Variants in RAPGEF1 observed in about 807,000 individuals in gnomAD.
RAPGEF1 encodes the protein CRK SH3-binding GNRP.
In RAPGEF1, 33 loss-of-function variants were observed where a neutral mutation model predicts 143.3. The observed-to-expected ratio is 0.23, with a 90% CI of 0.17 to 0.31. The LOEUF (loss-of-function observed/expected upper bound fraction) is 0.31, where lower values mean the gene tolerates loss of function less well. RAPGEF1 is among the 10% of genes least tolerant of loss of function. The pLI is 1.00. For missense variants in RAPGEF1, 1,199 were observed against 1,645.4 expected (o/e 0.73, Z 4.69); for synonymous variants, 629 against 676.5 (o/e 0.93, Z 1.09).
At chr9:131,705,598 C>T (rs891119812) in intron 1 of RAPGEF1, among the ~76,000 whole-genome samples, 1 of 152,100 alleles carries the variant, frequency 6.6e-6, no homozygotes, top group Non-Finnish European at 1.5e-5. Context: ...TGCTGGAACT[C>T]ACTGCGGTAA....
At chr9:131,592,340 T>A (rs1954446972) in intron 17 of RAPGEF1, among the ~76,000 whole-genome samples, 157 bp from the exon 18 acceptor site, 2 of 152,120 alleles carry the variant, frequency 1.3e-5, no homozygotes, top group South Asian at 4.1e-4. Flanking sequence ...CCCCCTCTGG[T>A]GTCTCCGCCT....
chr9:131,701,284 G>A (rs1054132061), intron 1 of RAPGEF1, among the ~76,000 whole-genome samples: 4 of 152,148 alleles, frequency 2.6e-5, no homozygotes, highest in Admixed American at 2.0e-4. Context: ...TCTAAATTTG[G>A]AGGTATCTGA....
At position 131,579,694 on chromosome 9, in the gene RAPGEF1, G is replaced by C. The variant is rs1359934967; in HGVS notation, c.3642-47C>G. 3 of 1,586,830 alleles carry C rather than the reference G, an allele frequency of 1.9e-6. No homozygotes were observed. In the Admixed American group the frequency reaches 5.4e-5, roughly 28 times the overall value. On this transcript the variant is annotated intron_variant, in intron 26 of 26. Transcript: ENST00000683357. The stretch of plus-strand genomic sequence containing the variant: ...AGTCAGTGAGCACCTGTGTGGGCTG[G>C]ATGGCCCGATGGCGCCACCCTCCTG...
intron 1 of RAPGEF1, among the ~76,000 whole-genome samples, chr9:131,706,692 T>C (rs1835088608): frequency 6.6e-6 from 1 of 152,214 alleles, no homozygotes; most frequent in Admixed American, 6.5e-5. Context: ...CCCTGTTATT[T>C]CGGCTCTTCA....
Position 131,621,752 on chromosome 9 carries a change from T to C in RAPGEF1, c.1905+44A>G, listed in dbSNP as rs1343770109. The C allele has an allele frequency of 1.3e-6, 2 of 1,536,142 alleles. No individual in the cohort carries two copies. The highest frequency in any genetic ancestry group is 2.4e-5 in the South Asian group (2 of 84,780). ...AGGGTCATTCTGGTTCCTAGAGACC[T>C]GCTAGGATCGGAAGTTCTAGTCACA... On this transcript the variant is annotated intron_variant, in intron 11 of 26. Transcript: ENST00000683357. The surrounding 1 kb of genome is among the most constrained non-coding windows in gnomAD (Gnocchi z 4.5).
At chr9:131,733,369 G>A (rs1156920245) in intron 1 of RAPGEF1, among the ~76,000 whole-genome samples, 5 of 134,912 alleles carry the variant, frequency 3.7e-5, no homozygotes, top group Admixed American at 2.2e-4. Flanking sequence ...CGGGGGCGGG[G>A]GGGGGGGTGG....
intron 15 of RAPGEF1, among the ~76,000 whole-genome samples, chr9:131,600,362 C>T (rs1273563328): frequency 6.6e-6 from 1 of 152,180 alleles, no homozygotes; most frequent in Non-Finnish European, 1.5e-5. Context: ...GGCATACCCA[C>T]GAGCTGCATT....
chr9:131,698,788 G>C (rs574953503), intron 1 of RAPGEF1, among the ~76,000 whole-genome samples: 37 of 152,344 alleles, frequency 2.4e-4, no homozygotes, highest in Admixed American at 5.9e-4. Context: ...GGAGGCCCAG[G>C]GATAAGCCCT....
At chr9:131,648,833 C>T (rs976884712) in intron 3 of RAPGEF1, among the ~76,000 whole-genome samples, 45 of 152,228 alleles carry the variant, frequency 3.0e-4, no homozygotes, top group African/African-American at 1.1e-3. Context: ...TTCTGCTGGT[C>T]AACATAAAAC....
chr9:131,711,586 C>T (rs1196541627), intron 1 of RAPGEF1, among the ~76,000 whole-genome samples: 2 of 152,006 alleles, frequency 1.3e-5, no homozygotes, highest in African/African-American at 4.8e-5. Context: ...TCAAACTCCT[C>T]ACCTCAAGTG....
At chr9:131,605,968 G>A (rs1019478340) in intron 12 of RAPGEF1, among the ~76,000 whole-genome samples, 10 of 152,126 alleles carry the variant, frequency 6.6e-5, no homozygotes, top group Admixed American at 1.3e-4. Context: ...TAGCTGCTCT[G>A]GAGGCTGAGA....
chr9:131,705,995 T>C (rs1835023816), intron 1 of RAPGEF1, among the ~76,000 whole-genome samples: 1 of 152,158 alleles, frequency 6.6e-6, no homozygotes. Flanking sequence ...CTAATCATGA[T>C]CATCTTTGGC....
intron 15 of RAPGEF1, 64 bp downstream of exon 15, chr9:131,601,997 G>A: frequency 2.5e-6 from 3 of 1,196,374 alleles, no homozygotes; most frequent in Non-Finnish European, 3.4e-6. Context: ...AGGCTGCTCA[G>A]GCAGGCCTCA....
intron 1 of RAPGEF1, among the ~76,000 whole-genome samples, chr9:131,702,070 T>C (rs1005246669): frequency 6.6e-6 from 1 of 152,254 alleles, no homozygotes; most frequent in Non-Finnish European, 1.5e-5. Context: ...AACTGTTTAA[T>C]GTATCTATTT....
At position 131,629,022 on chromosome 9, in the gene RAPGEF1, G is replaced by A. The variant is rs1340128066; in HGVS notation, c.893+80C>T. 1.4e-5 allele frequency: 22 copies of A among 1,533,894 alleles called. No homozygotes were observed. The East Asian group carries it at 4.3e-4, about 30-fold the overall frequency. ...GGGGCCAAGCCCTCAGCGCTGAGGG[G>A]AAAGGGCCCGAGCCCTGTCTTCCTC... On this transcript the variant is annotated intron_variant, in intron 7 of 26. Transcript: ENST00000683357.
At chr9:131,681,706 C>T (rs950596447) in intron 1 of RAPGEF1, among the ~76,000 whole-genome samples, 10 of 152,108 alleles carry the variant, frequency 6.6e-5, no homozygotes, top group East Asian at 1.9e-4. Context: ...TTTTGGGGGT[C>T]GGCGGCTGGG....
intron 1 of RAPGEF1, among the ~76,000 whole-genome samples, chr9:131,700,995 C>A (rs1834598333): frequency 6.6e-6 from 1 of 152,068 alleles, no homozygotes; most frequent in Admixed American, 6.5e-5. Flanking sequence ...AGTTTACCAA[C>A]CCCTGGAGGC....
At chr9:131,736,584 A>T (rs892391488) in intron 1 of RAPGEF1, among the ~76,000 whole-genome samples, 1 of 152,162 alleles carries the variant, frequency 6.6e-6, no homozygotes, top group Admixed American at 6.5e-5. Context: ...GACTCAAAAG[A>T]TCTCCCCCAG....
At chr9:131,618,505 T>C (rs1959560164) in intron 12 of RAPGEF1, among the ~76,000 whole-genome samples, 1 of 152,236 alleles carries the variant, frequency 6.6e-6, no homozygotes, top group Non-Finnish European at 1.5e-5. Context: ...CATCCTGCGC[T>C]AGTGAAGCCT....
Sources: gnomAD v4.1 joint callset for allele counts (sites outside exome capture counted in the v4.1 genomes callset) on GRCh38, gnomAD v4.1.1 for gene constraint, Gnocchi (gnomAD v3.1) non-coding constraint, MANE v1.5 for transcripts, NCBI Gene and HGNC (gene_info 2026-07-23, HGNC 2026-07-21) for gene names.